Variants in TRIM2 observed in about 807,000 individuals in gnomAD.
The protein encoded by TRIM2 is tripartite motif containing 2, also known as tripartite motif-containing protein 2.
Under a neutral mutation model 75.2 loss-of-function variants are expected in TRIM2, and 20 were observed. The observed-to-expected ratio is 0.27, with a 90% CI of 0.19 to 0.39. TRIM2 has a LOEUF of 0.39. Among genes scored for constraint, TRIM2 ranks in the 10% least tolerant of loss-of-function variants. The pLI, the probability that TRIM2 is intolerant of heterozygous loss-of-function variation, is 1.00. For synonymous variants in TRIM2, 373 were observed against 388.3 expected (o/e 0.96, Z 0.46); for missense variants, 660 against 990.8 (o/e 0.67, Z 4.48).
At chr4:153,318,232 G>A (rs938018774) in intron 8 of TRIM2, among the ~76,000 whole-genome samples, 1 of 152,114 alleles carries the variant, frequency 6.6e-6, no homozygotes, top group Non-Finnish European at 1.5e-5. Context: ...TGTACTTATT[G>A]GTTTCTTTCT....
chr4:153,272,289 C>CGT (rs1756898420), intron 2 of TRIM2, among the ~76,000 whole-genome samples: 1 of 152,026 alleles, frequency 6.6e-6, no homozygotes, highest in South Asian at 2.1e-4. Flanking sequence ...GCTAGGACTA[C>CGT]AGGTGCCTGC....
chr4:153,265,907 G>A (rs1477338280), intron 1 of TRIM2, among the ~76,000 whole-genome samples: 3 of 152,128 alleles, frequency 2.0e-5, no homozygotes, highest in Non-Finnish European at 4.4e-5. Flanking sequence ...AACCCTCAGC[G>A]TTGGTTTTGA....
At chr4:153,250,282 G>C (rs890096512) in intron 1 of TRIM2, among the ~76,000 whole-genome samples, 1 of 152,012 alleles carries the variant, frequency 6.6e-6, no homozygotes, top group African/African-American at 2.4e-5. Flanking sequence ...ACCATGCCTG[G>C]CTAATTTATG....
At chr4:153,228,919 C>G (rs766845703) in intron 1 of TRIM2, among the ~76,000 whole-genome samples, 1 of 152,082 alleles carries the variant, frequency 6.6e-6, no homozygotes, top group Non-Finnish European at 1.5e-5. Flanking sequence ...AGTAACCTCA[C>G]GTATAAAGCA....
At chr4:153,244,640 G>C (rs1748631309) in intron 1 of TRIM2, among the ~76,000 whole-genome samples, 1 of 151,848 alleles carries the variant, frequency 6.6e-6, no homozygotes, top group Non-Finnish European at 1.5e-5. Context: ...CCTCTGGGTT[G>C]AGGGAAACAA....
upstream of TRIM2, among the ~76,000 whole-genome samples, chr4:153,202,611 A>G (rs1734490559): frequency 6.6e-6 from 1 of 151,534 alleles, no homozygotes; most frequent in Admixed American, 6.6e-5. Context: ...AGGCAGGAGA[A>G]TGGCCTGAAC....
Position 153,214,331 on chromosome 4 carries a change from A to G in TRIM2, c.30+9771A>G, listed in dbSNP as rs528604197. On this transcript the variant is annotated intron_variant, in intron 1 of 11. Transcript: ENST00000338700. ...AACCTGACCAGCATAGCCTCCAATA[A>G]CCTGCATAGTGTTGAGGAGAGCTTG... Among the ~76,000 whole-genome samples, 13 of 152,340 alleles carry G rather than the reference A, an allele frequency of 8.5e-5. No individual in the cohort carries two copies. The South Asian group carries it at 2.1e-3, about 24-fold the overall frequency.
intron 2 of TRIM2, among the ~76,000 whole-genome samples, chr4:153,274,548 G>A (rs945739443): frequency 6.6e-6 from 1 of 152,218 alleles, no homozygotes; most frequent in Non-Finnish European, 1.5e-5. Context: ...GCTCAAAGGA[G>A]ATGTCTGTGG....
chr4:153,328,667 C>G lies in TRIM2; in HGVS notation c.2160C>G (p.Ile720Met). ...TGGCCGACTGGGGAAACAGCAGGAT[C>G]CAGGTAGATCAATGTGCTAATGTAT... ...IIVADWGNSR[I>M]QVFDGSGSFL... The change falls in exon 11 of 12, where the codon ATC (isoleucine) becomes ATG (methionine). Residue 720 changes from isoleucine to methionine, a missense_variant. By Grantham distance (10) the Ile-to-Met change is conservative (BLOSUM62 1). This residue lies in a region of TRIM2 where 40 missense variants were observed against 99.8 expected (regional missense o/e 0.40). Coordinates refer to ENST00000338700, the MANE Select transcript of TRIM2 (RefSeq NM_015271.5). The G allele has an allele frequency of 6.2e-7, 1 of 1,606,858 alleles. No individual in the cohort carries two copies.
At chr4:153,241,322 A>C (rs1352481591) in intron 1 of TRIM2, among the ~76,000 whole-genome samples, 1 of 152,216 alleles carries the variant, frequency 6.6e-6, no homozygotes, top group Non-Finnish European at 1.5e-5. Flanking sequence ...CTGGACACCC[A>C]GTCCTTCCTC....
intron 1 of TRIM2, among the ~76,000 whole-genome samples, chr4:153,195,270 G>A (rs866448842): frequency 3.9e-4 from 59 of 152,078 alleles, no homozygotes; most frequent in African/African-American, 1.4e-3. Flanking sequence ...TGTAATCCCA[G>A]CACTTTGGGA....
intron 6 of TRIM2, among the ~76,000 whole-genome samples, chr4:153,302,896 A>G (rs17369400): frequency 0.066 from 10,078 of 152,324 alleles, 457 homozygotes; most frequent in Non-Finnish European, 0.1. Flanking sequence ...AAAAATACAC[A>G]GAAGAATGCT....
intron 6 of TRIM2, among the ~76,000 whole-genome samples, chr4:153,306,842 C>G (rs961763091): frequency 2.4e-4 from 36 of 152,326 alleles, no homozygotes; most frequent in African/African-American, 7.7e-4. Context: ...GCCTCCCAGG[C>G]TCCCAGTCCT....
chr4:153,234,279 T>A (rs1744433217), intron 1 of TRIM2, among the ~76,000 whole-genome samples: 1 of 152,176 alleles, frequency 6.6e-6, no homozygotes. Context: ...TGCATCTCCC[T>A]TTATCCTTGC....
intron 1 of TRIM2, among the ~76,000 whole-genome samples, chr4:153,256,697 T>G (rs1255718287): frequency 6.6e-6 from 1 of 152,250 alleles, no homozygotes; most frequent in Non-Finnish European, 1.5e-5. Context: ...TTCTCAACTT[T>G]TAACTGAAAA....
chr4:153,197,041 T>G (rs1316196917), intron 1 of TRIM2, among the ~76,000 whole-genome samples: 1 of 152,234 alleles, frequency 6.6e-6, no homozygotes. Flanking sequence ...CCCATTGGCA[T>G]GTTTGGAAAG....
At chr4:153,234,243 T>C (rs1049926562) in intron 1 of TRIM2, among the ~76,000 whole-genome samples, 3 of 152,198 alleles carry the variant, frequency 2.0e-5, no homozygotes, top group African/African-American at 7.2e-5. Flanking sequence ...AAGTGCAGTT[T>C]TCTCCTTGAC....
chr4:153,233,861 A>G (rs4596222), intron 1 of TRIM2, among the ~76,000 whole-genome samples: 136,426 of 152,242 alleles, frequency 0.9, 61,338 homozygotes, highest in African/African-American at 0.97. Context: ...GTTGCATTGC[A>G]TAATTTCTGC....
intron 1 of TRIM2, among the ~76,000 whole-genome samples, chr4:153,226,070 T>C (rs1417901282): frequency 1.3e-5 from 2 of 152,142 alleles, no homozygotes; most frequent in Non-Finnish European, 2.9e-5. Flanking sequence ...AGTGGCTCAC[T>C]GTGTTGCCCA....
Sources: gnomAD v4.1 joint callset for allele counts (sites outside exome capture counted in the v4.1 genomes callset) on GRCh38, gnomAD v4.1.1 for gene constraint, gnomAD v4.1.1 regional missense constraint, MANE v1.5 for transcripts, NCBI Gene and HGNC (gene_info 2026-07-23, HGNC 2026-07-21) for gene names.